MYO1E: variants seen among roughly 807,000 people sequenced by gnomAD.
The protein encoded by MYO1E is unconventional myosin-Ie.
MYO1E carries 68 observed loss-of-function variants against 151.1 expected under a neutral mutation model. The ratio of observed to expected loss-of-function variants is 0.45; its 90% confidence interval spans 0.37 to 0.55. The LOEUF (loss-of-function observed/expected upper bound fraction) is 0.55. MYO1E is among the 20% of genes least tolerant of loss of function. MYO1E has a pLI of 0.00. For missense variants in MYO1E, 1,363 were observed against 1,389.3 expected, an observed-to-expected ratio of 0.98 and a Z score of 0.30; for synonymous variants, 601 against 501.7, an observed-to-expected ratio of 1.20 and a Z score of -2.64.
chr15:59,269,620 G>T (rs2080277692), intron 2 of MYO1E, among the ~76,000 whole-genome samples: 1 of 152,194 alleles, frequency 6.6e-6, no homozygotes. Context: ...CACTTTGGGA[G>T]GCTGAGGTGG....
chr15:59,194,160 C>T (rs542160027), intron 17 of MYO1E, among the ~76,000 whole-genome samples: 8 of 149,812 alleles, frequency 5.3e-5, no homozygotes, highest in East Asian at 1.9e-4. Context: ...GGTGACAGAG[C>T]GAGACTCTTG....
intron 4 of MYO1E, among the ~76,000 whole-genome samples, chr15:59,245,130 G>A (rs781112813): frequency 7.2e-5 from 11 of 152,212 alleles, no homozygotes; most frequent in Admixed American, 1.3e-4. Context: ...CAAGAAATTG[G>A]GTGGACCCAC....
At chr15:59,287,653 C>A (rs558673648) in intron 1 of MYO1E, among the ~76,000 whole-genome samples, 1 of 152,306 alleles carries the variant, frequency 6.6e-6, no homozygotes, top group South Asian at 2.1e-4. Context: ...CTGGTCCAGC[C>A]AGTGAGGAGT....
chr15:59,332,084 A>G (rs2080701530), intron 1 of MYO1E, among the ~76,000 whole-genome samples: 1 of 152,254 alleles, frequency 6.6e-6, no homozygotes, highest in South Asian at 2.1e-4. Context: ...GTATCCTACC[A>G]TGTTGCAGTA....
intron 1 of MYO1E, among the ~76,000 whole-genome samples, chr15:59,357,843 T>A (rs771172010): frequency 6.6e-6 from 1 of 151,884 alleles, no homozygotes; most frequent in African/African-American, 2.4e-5. Flanking sequence ...GGGGGAGGAA[T>A]TGATTCCAGC....
intron 15 of MYO1E, among the ~76,000 whole-genome samples, chr15:59,203,391 T>A (rs1351632635): frequency 6.6e-5 from 10 of 151,756 alleles, no homozygotes; most frequent in African/African-American, 1.9e-4. Context: ...TTTCTTTTTT[T>A]TTTTTTTGAG....
chr15:59,229,576 C>T (rs1206305493), intron 6 of MYO1E, among the ~76,000 whole-genome samples: 1 of 152,110 alleles, frequency 6.6e-6, no homozygotes, highest in South Asian at 2.1e-4. Flanking sequence ...GAAGTTTCAC[C>T]TCGACTCTTG....
intron 6 of MYO1E, among the ~76,000 whole-genome samples, chr15:59,228,581 G>C (rs1317895954): frequency 2.0e-5 from 3 of 151,184 alleles, no homozygotes; most frequent in Non-Finnish European, 2.9e-5. Flanking sequence ...AACTTAATTT[G>C]TCTCCTGTGC....
intron 1 of MYO1E, among the ~76,000 whole-genome samples, chr15:59,328,135 A>C (rs2080677049): frequency 6.6e-6 from 1 of 152,234 alleles, no homozygotes; most frequent in Non-Finnish European, 1.5e-5. Context: ...AGGTGTCAGC[A>C]GAGGGTGAGA....
intron 19 of MYO1E, among the ~76,000 whole-genome samples, chr15:59,177,352 G>A (rs1327219127): frequency 6.6e-6 from 1 of 152,190 alleles, no homozygotes; most frequent in African/African-American, 2.4e-5. Context: ...GTCTCAGGCT[G>A]ATCCTACGAG....
intron 1 of MYO1E, among the ~76,000 whole-genome samples, chr15:59,301,161 ATT>A (rs2080480532): frequency 6.6e-6 from 1 of 152,086 alleles, no homozygotes; most frequent in African/African-American, 2.4e-5. Flanking sequence ...CACCTGGCAC[ATT>A]TGTTTTCCTT....
chr15:59,218,282 T>C (rs2140346087), intron 9 of MYO1E, 195 bp from the exon 10 acceptor site: 2 of 707,888 alleles, frequency 2.8e-6, no homozygotes, highest in Non-Finnish European at 5.1e-6. Context: ...CCTTTGTTTT[T>C]CCCAATTGTT....
intron 21 of MYO1E, among the ~76,000 whole-genome samples, chr15:59,172,318 T>C (rs573118611): frequency 8.5e-5 from 13 of 152,086 alleles, no homozygotes; most frequent in South Asian, 2.1e-4. Context: ...GATTGCGCCA[T>C]TGCACTCCAG....
At chr15:59,258,943 T>TCC (rs2080209616) in intron 3 of MYO1E, among the ~76,000 whole-genome samples, 1 of 151,496 alleles carries the variant, frequency 6.6e-6, no homozygotes, top group South Asian at 2.1e-4. Context: ...ATTTAACAAT[T>TCC]CCCCTCTCTT....
intron 5 of MYO1E, among the ~76,000 whole-genome samples, chr15:59,234,233 G>GATGGGTGC (rs1186521619): frequency 4.1e-5 from 6 of 147,778 alleles, no homozygotes; most frequent in African/African-American, 1.2e-4. Context: ...TGGATGGATG[G>GATGGGTGC]ATGGATGGAT....
At chr15:59,249,068 C>T (rs564376080) in intron 4 of MYO1E, among the ~76,000 whole-genome samples, 3 of 152,266 alleles carry the variant, frequency 2.0e-5, no homozygotes, top group African/African-American at 7.2e-5. Flanking sequence ...TGGACCTAGG[C>T]TTCCATGGAG....
intron 4 of MYO1E, among the ~76,000 whole-genome samples, chr15:59,247,846 C>G (rs7164864): frequency 0.98 from 149,050 of 152,326 alleles, 73,005 homozygotes; most frequent in East Asian, 1. Flanking sequence ...CCTAGGCCAG[C>G]CATGGCAGCT....
intron 1 of MYO1E, among the ~76,000 whole-genome samples, chr15:59,357,568 G>A (rs1325212152): frequency 1.3e-5 from 2 of 149,534 alleles, no homozygotes; most frequent in East Asian, 2.0e-4. Context: ...AGGATTACAG[G>A]TGCCTACCAC....
At chr15:59,236,523 C>T in intron 5 of MYO1E, 62 bp downstream of exon 5, 2 of 1,415,420 alleles carry the variant, frequency 1.4e-6, no homozygotes, top group Middle Eastern at 1.8e-4. Context: ...TTTCTAACAG[C>T]AAATGGAGCC....
Sources: gnomAD v4.1 joint callset for allele counts (sites outside exome capture counted in the v4.1 genomes callset) on GRCh38, gnomAD v4.1.1 for gene constraint, MANE v1.5 for transcripts, NCBI Gene and HGNC (gene_info 2026-07-23, HGNC 2026-07-21) for gene names.